NATD1: variants seen among roughly 807,000 people sequenced by gnomAD.
NATD1 encodes N-acetyltransferase domain containing 1, also known as protein NATD1.
Under a neutral mutation model 12.0 loss-of-function variants are expected in NATD1, and 9 were observed. The observed-to-expected ratio is 0.75, with a 90% CI of 0.45 to 1.30. The LOEUF is 1.30. Among genes scored for constraint, NATD1 ranks in the 50% most tolerant of loss-of-function variants. NATD1 has a pLI of 0.00. For missense variants in NATD1, 148 were observed against 148.5 expected, an observed-to-expected ratio of 1.00 and a Z score of 0.02; for synonymous variants, 71 against 65.9, an observed-to-expected ratio of 1.08 and a Z score of -0.37.
rs747467503 is a variant in NATD1, at chr17:21,244,180, G to A, written c.151C>T (p.Arg51Trp). 5 of 1,613,214 alleles carry A rather than the reference G, an allele frequency of 3.1e-6. No homozygotes were observed. The highest frequency in any genetic ancestry group is 2.2e-5 in the East Asian group (1 of 44,846). The change falls in exon 2 of 3, where the codon CGG becomes TGG. Residue 51 changes from arginine to tryptophan, a missense_variant. By Grantham distance (101) the Arg-to-Trp change is moderately radical. Coordinates refer to ENST00000611551, the MANE Select transcript of NATD1 (RefSeq NM_152914.3). This position sits in a 1 kb window ranked among gnomAD's most constrained non-coding sequence, Gnocchi z 5.2. ...TCGGTGTGCTGCAGGTCCACGATCC[G>A]CTTGCCCACGTACTCATAGAGCAGG... Reference protein sequence around the residue: ...AVLLYEYVGKRIVDLQHTEVP... With the variant: ...AVLLYEYVGKWIVDLQHTEVP...
rs561784380 is a variant in NATD1, at chr17:21,243,917, T to C, written c.225+189A>G. 7.9e-5 allele frequency among the ~76,000 whole-genome samples: 12 copies of C among 152,250 alleles called. No individual in the cohort carries two copies. The South Asian group carries it at 2.1e-3, about 26-fold the overall frequency. On this transcript the variant is annotated intron_variant, in intron 2 of 2. Transcript: ENST00000611551. ...GCCACACAGGAGGTGTGTGAGGATCTTGGAGGCTCAGCCACGCCAGGGTCT... is the reference window on the plus strand; with the variant it reads ...GCCACACAGGAGGTGTGTGAGGATCCTGGAGGCTCAGCCACGCCAGGGTCT...
chr17:21,248,398 G>A (rs1039732466), intron 1 of NATD1, among the ~76,000 whole-genome samples: 4 of 152,154 alleles, frequency 2.6e-5, no homozygotes, highest in Non-Finnish European at 5.9e-5. Flanking sequence ...CGGCAGGACC[G>A]TGGACATGGC....
At chr17:21,248,430 C>T (rs1975345777) in intron 1 of NATD1, among the ~76,000 whole-genome samples, 1 of 152,180 alleles carries the variant, frequency 6.6e-6, no homozygotes, top group South Asian at 2.1e-4. Flanking sequence ...GCCTGGGGTC[C>T]AGCTGCCTCT....
intron 1 of NATD1, among the ~76,000 whole-genome samples, chr17:21,247,786 T>C (rs1400750283): frequency 6.6e-6 from 1 of 152,176 alleles, no homozygotes; most frequent in Non-Finnish European, 1.5e-5. Flanking sequence ...GGACCAGGCC[T>C]AGAGGCTATG....
rs902424958 is a variant in NATD1 at position 21,249,220 on chromosome 17, G to A, written c.106+3939C>T. 1.9e-4 allele frequency among the ~76,000 whole-genome samples: 29 copies of A among 152,254 alleles called. 1 individual carries two copies. Among genetic ancestry groups the A allele is most frequent in the Admixed American group, 1.4e-3 (22 of 15,292 alleles). ...GCAAGGAGAGCTGGCAGATCAAAAC[G>A]CGAATATACAGATGAGGAGACTGAG... On this transcript the variant is annotated intron_variant, in intron 1 of 2. Transcript: ENST00000611551.
chr17:21,247,210 A>G (rs1975333142), intron 1 of NATD1, among the ~76,000 whole-genome samples: 1 of 152,168 alleles, frequency 6.6e-6, no homozygotes, highest in South Asian at 2.1e-4. Flanking sequence ...CCACTACCAT[A>G]TTCCAGGCAC....
At chr17:21,248,464 G>T (rs903670792) in intron 1 of NATD1, among the ~76,000 whole-genome samples, 1 of 152,138 alleles carries the variant, frequency 6.6e-6, no homozygotes, top group Non-Finnish European at 1.5e-5. Flanking sequence ...CTTGGTGGCT[G>T]CTCCCCTGCC....
At position 21,243,298 on chromosome 17, in the gene NATD1, G is replaced by A. The variant is rs777676787; in HGVS notation, c.*15C>T. ...GAAGAGTCCGGCAGGGAGCGCTCCC[G>A]CCTGCAGGCCAGGGTTACGGCTGCA... On this transcript the variant is annotated 3_prime_UTR_variant, in exon 3 of 3. Transcript: ENST00000611551. The A allele has an allele frequency of 2.7e-5, 44 of 1,606,918 alleles. No individual in the cohort carries two copies. The highest frequency in any genetic ancestry group is 1.7e-4 in the Middle Eastern group (1 of 6,040).
At chr17:21,250,256 C>G (rs1176859264) in intron 1 of NATD1, among the ~76,000 whole-genome samples, 1 of 152,236 alleles carries the variant, frequency 6.6e-6, no homozygotes, top group Non-Finnish European at 1.5e-5. Flanking sequence ...AGAGCCTTTG[C>G]TCTTGCTATT....
Position 21,242,615 on chromosome 17 carries a change from C to CA in NATD1, c.*697dup, listed in dbSNP as rs201183982. ...TTCCTGCAGAACCTACACGAGAGGC[C>CA]AAAAAAAAGATGGGGGTACCAAGGA... On this transcript the variant is annotated 3_prime_UTR_variant, in exon 3 of 3. Coordinates refer to ENST00000611551, the MANE Select transcript of NATD1 (RefSeq NM_152914.3). The CA allele has an allele frequency of 2.6e-5, 4 of 152,114 alleles. No homozygotes were observed. Among genetic ancestry groups the CA allele is most frequent in the Non-Finnish European group, 5.9e-5 (4 of 68,260 alleles). The allele number at this position is 152,114 out of a possible 1,614,324, so 9.4% of individuals were successfully genotyped here. A position where few individuals can be genotyped will look rare whatever the true frequency, so the allele number is the denominator to read the frequency against.
intron 1 of NATD1, among the ~76,000 whole-genome samples, chr17:21,247,183 G>A (rs1035676424): frequency 6.6e-6 from 1 of 152,206 alleles, no homozygotes; most frequent in Non-Finnish European, 1.5e-5. Context: ...TTGACCCTCA[G>A]TGATCGCACA....
rs1328845463 is a variant in NATD1 at position 21,239,869 on chromosome 17, AT to A, written c.*3443del. 1.3e-5 allele frequency: 2 copies of A among 152,190 alleles called. No individual in the cohort carries two copies. Among genetic ancestry groups the A allele is most frequent in the Non-Finnish European group, 2.9e-5 (2 of 68,034 alleles). The allele number at this position is 152,190 out of a possible 1,614,324, so 9.4% of individuals were successfully genotyped here. Reference sequence around the variant, plus strand: ...TAACCCCTAGTGGTAACTAGGAGAAATTGTCCTCCAGCAGTCTGTCCCCTCC... The same window carrying A: ...TAACCCCTAGTGGTAACTAGGAGAAATGTCCTCCAGCAGTCTGTCCCCTCC... On this transcript the variant is annotated 3_prime_UTR_variant, in exon 3 of 3. Transcript: ENST00000611551.
At chr17:21,247,537 C>T (rs1461068616) in intron 1 of NATD1, among the ~76,000 whole-genome samples, 1 of 152,200 alleles carries the variant, frequency 6.6e-6, no homozygotes, top group South Asian at 2.1e-4. Context: ...AAACCGAGGC[C>T]CAGGAGGGAG....
intron 1 of NATD1, among the ~76,000 whole-genome samples, chr17:21,248,270 C>T (rs141272431): frequency 2.8e-4 from 42 of 152,318 alleles, no homozygotes; most frequent in Admixed American, 5.2e-4. Context: ...CCGGTCCTCA[C>T]GCTCAACTCC....
chr17:21,252,356 T>C (rs567536182), intron 1 of NATD1, among the ~76,000 whole-genome samples: 1 of 152,356 alleles, frequency 6.6e-6, no homozygotes, highest in African/African-American at 2.4e-5. Context: ...GCCCTTGCTT[T>C]CTGGCTTCAC....
At chr17:21,252,011 T>A (rs751718725) in intron 1 of NATD1, among the ~76,000 whole-genome samples, 5 of 152,172 alleles carry the variant, frequency 3.3e-5, no homozygotes, top group Non-Finnish European at 7.4e-5. Context: ...GATGGGCTAA[T>A]CAAAACTTCT....
At chr17:21,249,176 C>T (rs1445808248) in intron 1 of NATD1, among the ~76,000 whole-genome samples, 1 of 152,068 alleles carries the variant, frequency 6.6e-6, no homozygotes, top group Non-Finnish European at 1.5e-5. Flanking sequence ...GCTTTCTCCA[C>T]TCGGCCCACA....
At chr17:21,249,406 C>G (rs1341599683) in intron 1 of NATD1, among the ~76,000 whole-genome samples, 1 of 152,116 alleles carries the variant, frequency 6.6e-6, no homozygotes, top group Admixed American at 6.5e-5. Flanking sequence ...AGCTGTGAGC[C>G]TGGAGAAGCT....
chr17:21,248,117 C>T (rs1353191335), intron 1 of NATD1, among the ~76,000 whole-genome samples: 1 of 152,196 alleles, frequency 6.6e-6, no homozygotes, highest in East Asian at 1.9e-4. Context: ...GGCCAGACCA[C>T]ATGGCACTGG....
Sources: gnomAD v4.1 joint callset for allele counts (sites outside exome capture counted in the v4.1 genomes callset) on GRCh38, gnomAD v4.1.1 for gene constraint, Gnocchi (gnomAD v3.1) non-coding constraint, MANE v1.5 for transcripts, NCBI Gene and HGNC (gene_info 2026-07-23, HGNC 2026-07-21) for gene names.